UST: variants seen among roughly 807,000 people sequenced by gnomAD.
The protein encoded by UST is chondroitin sulfate 2-O-sulfotransferase.
UST carries 21 observed loss-of-function variants against 45.6 expected under a neutral mutation model. That is an observed-to-expected ratio of 0.46 (90% CI 0.33 to 0.66). The LOEUF is 0.66. Among genes scored for constraint, UST ranks in the 30% least tolerant of loss-of-function variants. The pLI, the probability that UST is intolerant of heterozygous loss-of-function variation, is 0.02. For synonymous variants in UST, 215 were observed against 200.6 expected (o/e 1.07, Z -0.61); for missense variants, 463 against 512.4 (o/e 0.90, Z 0.93).
At chr6:148,992,620 G>A (rs1562323294) in intron 5 of UST, among the ~76,000 whole-genome samples, 1 of 152,100 alleles carries the variant, frequency 6.6e-6, no homozygotes, top group Non-Finnish European at 1.5e-5. Flanking sequence ...TGAAAACTTG[G>A]TTGTGGTTGT....
intron 1 of UST, among the ~76,000 whole-genome samples, chr6:148,845,826 G>A (rs964202777): frequency 1.3e-5 from 2 of 151,934 alleles, no homozygotes; most frequent in African/African-American, 4.8e-5. Context: ...CATTTATGCA[G>A]CCAAAAAACA....
In UST at chr6:149,074,104, T is replaced by G; in HGVS notation, c.1209T>G (p.Ile403Met). ...ATGATGAAAAGTGGCTGGAAGATAT[T>G]TATAAGAGGTGATGTGACTGTGTTG... is the stretch of plus-strand genomic sequence containing the variant. ...EQDDEKWLED[I>M]YKR Residue 403 changes from isoleucine (I) to methionine (M), a missense_variant, in exon 8 of 8, where the codon ATT (isoleucine) becomes ATG (methionine). Ile to Met is a conservative substitution (Grantham distance 10, BLOSUM62 1). This residue lies in a region of UST where 287 missense variants were observed against 374.2 expected (regional missense o/e 0.77). Transcript: ENST00000367463. The G allele has an allele frequency of 6.2e-7, 1 of 1,614,056 alleles. No individual in the cohort carries two copies.
At position 148,790,454 on chromosome 6, in the gene UST, A is replaced by G. The variant is rs1043595211; in HGVS notation, c.247+42777A>G. Among the ~76,000 whole-genome samples, 3 of 152,196 alleles carry G rather than the reference A, an allele frequency of 2.0e-5. No individual in the cohort carries two copies. In the East Asian group the frequency reaches 5.8e-4, roughly 29 times the overall value. The stretch of plus-strand genomic sequence containing the variant: ...GGGCAAGGCAGTTGCCCAGGGGTAG[A>G]TGGCATACCTCCTTGGCGAATCTGA... On this transcript the variant is annotated intron_variant, in intron 1 of 7. Transcript: ENST00000367463. This position sits in a 1 kb window ranked among gnomAD's most constrained non-coding sequence, Gnocchi z 4.2.
chr6:148,906,278 A>G (rs2114871318), intron 2 of UST, among the ~76,000 whole-genome samples: 1 of 152,292 alleles, frequency 6.6e-6, no homozygotes, highest in African/African-American at 2.4e-5. Flanking sequence ...CCCTTGGCCA[A>G]AAAGAATATA....
At chr6:148,965,277 A>G (rs1000628898) in intron 5 of UST, among the ~76,000 whole-genome samples, 3 of 152,168 alleles carry the variant, frequency 2.0e-5, no homozygotes, top group Admixed American at 6.5e-5. Context: ...CAGCACTAGA[A>G]CGAAAGGTAC....
chr6:148,814,628 C>G (rs1247163456), intron 1 of UST, among the ~76,000 whole-genome samples: 1 of 152,096 alleles, frequency 6.6e-6, no homozygotes, highest in Non-Finnish European at 1.5e-5. Context: ...TCTGGCTGTA[C>G]TAGGGGTTGA....
At chr6:149,057,989 C>T (rs1256440861) in intron 7 of UST, among the ~76,000 whole-genome samples, 2 of 152,110 alleles carry the variant, frequency 1.3e-5, no homozygotes, top group East Asian at 1.9e-4. Flanking sequence ...ATCATGTATA[C>T]ATGTACATAG....
intron 1 of UST, among the ~76,000 whole-genome samples, chr6:148,796,797 C>CTTTTTTTTTTTTTTTTTTTTTTTTTTT (rs1195878764): frequency 1.4e-5 from 1 of 72,054 alleles, no homozygotes. Context: ...TCTGATAATT[C>CTTTTTTTTTTTTTTTTTTTTTTTTTTT]TTTTTTTTTT....
At chr6:148,965,796 G>C (rs900048637) in intron 5 of UST, among the ~76,000 whole-genome samples, 3 of 151,688 alleles carry the variant, frequency 2.0e-5, no homozygotes, top group Non-Finnish European at 4.4e-5. Flanking sequence ...ACTACCTAAG[G>C]CTTCAGTGAA....
intron 1 of UST, among the ~76,000 whole-genome samples, chr6:148,814,679 G>A (rs1308737789): frequency 2.0e-5 from 3 of 152,150 alleles, no homozygotes; most frequent in African/African-American, 7.2e-5. Context: ...AGAAAAGCAC[G>A]ATGATTATTT....
chr6:148,826,021 T>C (rs1468764413), intron 1 of UST, among the ~76,000 whole-genome samples: 1 of 152,158 alleles, frequency 6.6e-6, no homozygotes, highest in East Asian at 1.9e-4. Flanking sequence ...CTGCAAGATA[T>C]CATGGAATGA....
chr6:148,809,147 C>T (rs1267821729), intron 1 of UST, among the ~76,000 whole-genome samples: 1 of 152,224 alleles, frequency 6.6e-6, no homozygotes, highest in Non-Finnish European at 1.5e-5. Flanking sequence ...AGGGCCTGTG[C>T]CCTGAGCACA....
intron 5 of UST, among the ~76,000 whole-genome samples, chr6:149,016,512 T>C (rs534599013): frequency 9.8e-6 from 1 of 101,852 alleles, no homozygotes; most frequent in Admixed American, 8.7e-5. Context: ...TCAGTATCTA[T>C]TGCACTCCTG....
At chr6:148,986,018 C>T (rs1416969422) in intron 5 of UST, among the ~76,000 whole-genome samples, 1 of 152,192 alleles carries the variant, frequency 6.6e-6, no homozygotes, top group Non-Finnish European at 1.5e-5. Flanking sequence ...AGCCTCAGAA[C>T]ACAGTGTAGT....
chr6:148,859,330 G>A (rs542902974), intron 1 of UST, among the ~76,000 whole-genome samples: 8 of 152,308 alleles, frequency 5.3e-5, no homozygotes, highest in Admixed American at 3.3e-4. Context: ...CCCACTTTTT[G>A]ATGGGGTTGT....
At chr6:148,956,388 G>A (rs527331846) in intron 4 of UST, among the ~76,000 whole-genome samples, 2 of 149,110 alleles carry the variant, frequency 1.3e-5, no homozygotes, top group African/African-American at 4.9e-5. Flanking sequence ...CAAGAGAAAT[G>A]AGGAAGATGC....
At chr6:148,789,430 C>G (rs1202123017) in intron 1 of UST, among the ~76,000 whole-genome samples, 1 of 119,862 alleles carries the variant, frequency 8.3e-6, no homozygotes, top group Non-Finnish European at 1.7e-5. Flanking sequence ...GTGCAGATCT[C>G]TCTCTCTCTC....
intron 5 of UST, among the ~76,000 whole-genome samples, chr6:149,007,489 A>C (rs1582956315): frequency 6.9e-6 from 1 of 144,276 alleles, no homozygotes. Context: ...TTTAGTAGAG[A>C]CGGGGTTTCA....
At chr6:148,775,643 G>GGGT (rs111924236) in intron 1 of UST, among the ~76,000 whole-genome samples, 1 of 150,512 alleles carries the variant, frequency 6.6e-6, no homozygotes, top group Non-Finnish European at 1.5e-5. Context: ...TTTTTTTGGG[G>GGGT]CGGGGAGAGA....
Sources: gnomAD v4.1 joint callset for allele counts (sites outside exome capture counted in the v4.1 genomes callset) on GRCh38, gnomAD v4.1.1 for gene constraint, gnomAD v4.1.1 regional missense constraint, Gnocchi (gnomAD v3.1) non-coding constraint, MANE v1.5 for transcripts, NCBI Gene and HGNC (gene_info 2026-07-23, HGNC 2026-07-21) for gene names.